Variants in SLC23A2 observed in about 807,000 individuals in gnomAD.
The protein encoded by SLC23A2 is Na(+)/L-ascorbic acid transporter 2.
SLC23A2 carries 36 observed loss-of-function variants against 73.3 expected under a neutral mutation model. The observed-to-expected ratio is 0.49, with a 90% confidence interval of 0.38 to 0.65. SLC23A2 has a LOEUF of 0.65. SLC23A2 is among the 30% of genes least tolerant of loss of function. SLC23A2 has a pLI of 0.00. For missense variants in SLC23A2, 507 were observed against 841.6 expected (o/e 0.60, Z 4.92); for synonymous variants, 343 against 327.3 (o/e 1.05, Z -0.52).
chr20:4,885,857 T>G lies in SLC23A2; in HGVS notation c.535A>C (p.Ile179Leu), dbSNP rs1358806318. ...AFAFLAPARA[I>L]LSLDKWKCNT... ...CATTTCCATTTATCTAAAGACAGGA[T>G]GGCTCGAGCAGGGGCCAAAAATGCA... Residue 179 changes from isoleucine to leucine, a missense_variant, in exon 7 of 17, where the codon ATC becomes CTC. By Grantham distance (5) the Ile-to-Leu change is conservative. Around this residue, in one of 5 missense-constraint regions of SLC23A2, gnomAD observed 217 missense variants for 398.0 expected, o/e 0.55. Coordinates refer to ENST00000338244, the MANE Select transcript of SLC23A2 (RefSeq NM_005116.6). The G allele has an allele frequency of 6.2e-7, 1 of 1,613,918 alleles. No individual in the cohort carries two copies. Among genetic ancestry groups the G allele is most frequent in the Non-Finnish European group, 8.5e-7 (1 of 1,179,866 alleles).
intron 2 of SLC23A2, among the ~76,000 whole-genome samples, chr20:4,950,448 T>G (rs908830919): frequency 5.9e-5 from 9 of 152,218 alleles, no homozygotes; most frequent in African/African-American, 2.2e-4. Flanking sequence ...GAGAGCTGAC[T>G]GCTGGGGTCC....
chr20:4,933,955 T>C (rs1403763526), intron 2 of SLC23A2, among the ~76,000 whole-genome samples: 1 of 152,108 alleles, frequency 6.6e-6, no homozygotes, highest in Non-Finnish European at 1.5e-5. Flanking sequence ...AATAAACACT[T>C]TGGATGAGCC....
intron 1 of SLC23A2, among the ~76,000 whole-genome samples, chr20:4,990,948 G>A (rs1352849219): frequency 7.9e-6 from 1 of 126,910 alleles, no homozygotes; most frequent in Non-Finnish European, 1.6e-5. Context: ...GCCAGCCTGG[G>A]CAACAAGAGC....
chr20:4,961,988 G>A (rs1168614399), intron 2 of SLC23A2, among the ~76,000 whole-genome samples: 1 of 152,128 alleles, frequency 6.6e-6, no homozygotes, highest in Non-Finnish European at 1.5e-5. Flanking sequence ...AGCATGAGGT[G>A]AGAGAAGGGC....
intron 6 of SLC23A2, among the ~76,000 whole-genome samples, chr20:4,893,511 G>C (rs1338356994): frequency 6.6e-6 from 1 of 152,110 alleles, no homozygotes; most frequent in African/African-American, 2.4e-5. Flanking sequence ...AAACAATCAT[G>C]AGTTCGAAGT....
In SLC23A2 at chr20:4,997,237, C is replaced by G. The variant is rs115275548; in HGVS notation, c.-282+4169G>C. ...TAGATCAGTCCACCTCCCTTCTTTACTCCAAAACCCTCCAATGGCTTCTAC... is the reference window on the plus strand; with the variant it reads ...TAGATCAGTCCACCTCCCTTCTTTAGTCCAAAACCCTCCAATGGCTTCTAC... On this transcript the variant is annotated intron_variant, in intron 1 of 16. Transcript: ENST00000338244. Among the ~76,000 whole-genome samples, 24 of 152,230 alleles carry G rather than the reference C, an allele frequency of 1.6e-4. 1 individual carries two copies. The highest frequency in any genetic ancestry group is 5.8e-4 in the African/African-American group (24 of 41,544).
chr20:4,940,150 T>C (rs1045468745), intron 2 of SLC23A2, among the ~76,000 whole-genome samples: 3 of 151,936 alleles, frequency 2.0e-5, no homozygotes, highest in Non-Finnish European at 2.9e-5. Flanking sequence ...AAACCCTATC[T>C]CTACCAAAAA....
chr20:4,977,925 T>G (rs1270107929), intron 1 of SLC23A2, among the ~76,000 whole-genome samples: 4 of 152,042 alleles, frequency 2.6e-5, no homozygotes, highest in Non-Finnish European at 5.9e-5. Context: ...GCCTAAGTTG[T>G]ACTTATCATG....
At chr20:4,927,399 G>A (rs773421342) in intron 3 of SLC23A2, among the ~76,000 whole-genome samples, 38 of 152,168 alleles carry the variant, frequency 2.5e-4, no homozygotes, top group Non-Finnish European at 5.3e-4. Flanking sequence ...ATACCCAACG[G>A]TGAGACCCTC....
In SLC23A2 at chr20:4,863,222, C is replaced by T. The variant is rs1484397342; in HGVS notation, c.1357-315G>A. Among the ~76,000 whole-genome samples the T allele has an allele frequency of 1.3e-5, 2 of 152,186 alleles. No individual in the cohort carries two copies. Among genetic ancestry groups the T allele is most frequent in the African/African-American group, 2.4e-5 (1 of 41,442 alleles). ...CCTATCCCCTGGGTTCCCGGCACCA[C>T]ATGTCACCAAGGCAATTTCCCCCAA... On this transcript the variant is annotated intron_variant, in intron 13 of 16. Transcript: ENST00000338244. This position sits in a 1 kb window ranked among gnomAD's most constrained non-coding sequence, Gnocchi z 4.8.
chr20:4,893,324 C>T (rs928850368), intron 6 of SLC23A2, among the ~76,000 whole-genome samples: 2 of 152,110 alleles, frequency 1.3e-5, no homozygotes, highest in Non-Finnish European at 2.9e-5. Flanking sequence ...CTCAGACTCC[C>T]AAAGTGCTGG....
At chr20:4,900,719 C>T (rs1358686068) in intron 5 of SLC23A2, among the ~76,000 whole-genome samples, 2 of 152,162 alleles carry the variant, frequency 1.3e-5, no homozygotes, top group African/African-American at 4.8e-5. Context: ...GAAAGAACCC[C>T]ATCCCACTTT....
intron 2 of SLC23A2, among the ~76,000 whole-genome samples, chr20:4,966,809 TACACACACACAC>T (rs56931121): frequency 0.02 from 2,167 of 109,782 alleles, 22 homozygotes; most frequent in Middle Eastern, 0.035. Context: ...TTGATAGTTT[TACACACACACAC>T]ACACACACAC....
Position 4,883,606 on chromosome 20 carries a change from C to T in SLC23A2, c.824+36G>A, listed in dbSNP as rs375865081. 5.4e-6 allele frequency: 8 copies of T among 1,493,534 alleles called. No homozygotes were observed. Among genetic ancestry groups the T allele is most frequent in the African/African-American group, 4.2e-5 (3 of 71,736 alleles). The allele number at this position is 1,493,534 out of a possible 1,614,324, so 92.5% of individuals were successfully genotyped here. On this transcript the variant is annotated intron_variant, in intron 9 of 16. Transcript: ENST00000338244. This position sits in a 1 kb window ranked among gnomAD's most constrained non-coding sequence, Gnocchi z 4.5. ...GTGTGAATGTTCCTAAAGGCTGCCC[C>T]GCAGTGGTGGGATGAGGGGAGATGT... is the stretch of plus-strand genomic sequence containing the variant.
Position 4,872,528 on chromosome 20 carries a change from G to A in SLC23A2, c.1102+1408C>T, listed in dbSNP as rs1392535350. Among the ~76,000 whole-genome samples the A allele has an allele frequency of 6.6e-6, 1 of 152,114 alleles. No homozygotes were observed. The highest frequency in any genetic ancestry group is 2.4e-5 in the African/African-American group (1 of 41,414). On this transcript the variant is annotated intron_variant, in intron 11 of 16. Coordinates refer to ENST00000338244, the MANE Select transcript of SLC23A2 (RefSeq NM_005116.6). This position sits in a 1 kb window ranked among gnomAD's most constrained non-coding sequence, Gnocchi z 4.4. ...GCCCCTACTGGCGCCCACCTTGGGA[G>A]TTGCCTGCACAAGCAGAAGACCACC...
At chr20:4,880,528 A>C (rs950275855) in intron 9 of SLC23A2, among the ~76,000 whole-genome samples, 3 of 152,238 alleles carry the variant, frequency 2.0e-5, no homozygotes, top group African/African-American at 7.2e-5. Flanking sequence ...AAAAAACACC[A>C]GAGCATAAAT....
intron 2 of SLC23A2, among the ~76,000 whole-genome samples, chr20:4,942,422 A>C (rs1244725037): frequency 6.6e-6 from 1 of 151,656 alleles, no homozygotes; most frequent in Non-Finnish European, 1.5e-5. Context: ...TGTAAACCTG[A>C]CAGATAAAAA....
chr20:4,865,722 G>A (rs1930167913), intron 13 of SLC23A2, among the ~76,000 whole-genome samples: 4 of 152,066 alleles, frequency 2.6e-5, no homozygotes, highest in Admixed American at 2.0e-4. Context: ...CACTCTCCCC[G>A]CCTCAGATAC....
chr20:4,885,696 G>A (rs975211723), intron 7 of SLC23A2, 125 bp downstream of exon 7: 2 of 708,080 alleles, frequency 2.8e-6, no homozygotes, highest in African/African-American at 3.5e-5. Flanking sequence ...AGCTGTTTGT[G>A]GGTTTGTGTG....
Sources: gnomAD v4.1 joint callset for allele counts (sites outside exome capture counted in the v4.1 genomes callset) on GRCh38, gnomAD v4.1.1 for gene constraint, gnomAD v4.1.1 regional missense constraint, Gnocchi (gnomAD v3.1) non-coding constraint, MANE v1.5 for transcripts, NCBI Gene and HGNC (gene_info 2026-07-23, HGNC 2026-07-21) for gene names.